Variants in POU2F1 observed in about 807,000 individuals in gnomAD.
The protein encoded by POU2F1 is POU domain, class 2, transcription factor 1.
POU2F1 carries 16 observed loss-of-function variants against 84.9 expected under a neutral mutation model. The ratio of observed to expected loss-of-function variants is 0.19; its 90% CI spans 0.13 to 0.29. The LOEUF is 0.29. Ranked by LOEUF, POU2F1 falls within the 10% of genes least tolerant of loss-of-function variation. The probability of loss-of-function intolerance (pLI) is 1.00; values close to 1 mark genes in which losing one functional copy is unlikely to be tolerated. For missense variants in POU2F1, 738 were observed against 942.6 expected (o/e 0.78, Z 2.84); for synonymous variants, 368 against 368.3 (o/e 1.00, Z 0.01).
chr1:167,332,845 T>C (rs564975026), intron 2 of POU2F1, among the ~76,000 whole-genome samples: 3 of 152,340 alleles, frequency 2.0e-5, no homozygotes, highest in African/African-American at 7.2e-5. Context: ...CTTGTGACTT[T>C]AGGCAATTTC....
intron 9 of POU2F1, among the ~76,000 whole-genome samples, chr1:167,393,893 A>G (rs1648613432): frequency 6.6e-6 from 1 of 152,234 alleles, no homozygotes; most frequent in Non-Finnish European, 1.5e-5. Context: ...AAACAAGCTG[A>G]CCATGACATG....
intron 2 of POU2F1, chr1:167,357,380 C>CCCCCCCCCCCCCCCCCCCA (rs1659028063): frequency 3.3e-4 from 1 of 3,002 alleles, no homozygotes; most frequent in Non-Finnish European, 8.1e-4. Context: ...CCCCCCCCCA[C>CCCCCCCCCCCCCCCCCCCA]CCCCCCCCGC....
At chr1:167,259,944 T>A (rs1029084394) in intron 1 of POU2F1, among the ~76,000 whole-genome samples, 3 of 152,052 alleles carry the variant, frequency 2.0e-5, no homozygotes, top group Non-Finnish European at 1.5e-5. Flanking sequence ...AGTGGCGCGA[T>A]CTCAGCTCAC....
chr1:167,302,448 G>A (rs1187291967), intron 1 of POU2F1, among the ~76,000 whole-genome samples: 2 of 151,918 alleles, frequency 1.3e-5, no homozygotes, highest in African/African-American at 2.4e-5. Flanking sequence ...TTTTAGAGAC[G>A]GGGTTTCACC....
At chr1:167,335,888 T>C (rs1348958260) in intron 2 of POU2F1, among the ~76,000 whole-genome samples, 1 of 152,250 alleles carries the variant, frequency 6.6e-6, no homozygotes, top group Non-Finnish European at 1.5e-5. Context: ...AGCTGATCAT[T>C]GAATAACATG....
At chr1:167,221,100 GC>G in intron 1 of POU2F1, 142 bp downstream of exon 1, 2 of 820,050 alleles carry the variant, frequency 2.4e-6, no homozygotes, top group Non-Finnish European at 3.8e-6. Context: ...GGAGCATTGA[GC>G]CCCCGCCGGG....
At position 167,399,379 on chromosome 1, in the gene POU2F1, A is replaced by T; in HGVS notation, c.1449+14A>T. On this transcript the variant is annotated intron_variant, in intron 12 of 15. Transcript: ENST00000367866. ...CCAACTTCACTGGTAAGAATAAAAAATAGGGAGTGCAAGCTCAAGGGCTAA... is the reference window on the plus strand; with the variant it reads ...CCAACTTCACTGGTAAGAATAAAAATTAGGGAGTGCAAGCTCAAGGGCTAA... 7.5e-6 allele frequency: 12 copies of T among 1,599,040 alleles called. No individual in the cohort carries two copies. Among genetic ancestry groups the T allele is most frequent in the Non-Finnish European group, 1.0e-5 (12 of 1,171,602 alleles).
chr1:167,329,526 G>A (rs73022269), intron 1 of POU2F1, among the ~76,000 whole-genome samples: 3 of 152,068 alleles, frequency 2.0e-5, no homozygotes, highest in East Asian at 1.9e-4. Flanking sequence ...AGAGGGTATC[G>A]TTAGTAAATA....
chr1:167,296,407 G>A (rs900796236), intron 1 of POU2F1, among the ~76,000 whole-genome samples: 1 of 151,794 alleles, frequency 6.6e-6, no homozygotes, highest in Admixed American at 6.6e-5. Flanking sequence ...TTCTCTGTTG[G>A]ACCTATTTTT....
chr1:167,403,140 A>G (rs1253204820), intron 13 of POU2F1, among the ~76,000 whole-genome samples: 4 of 147,486 alleles, frequency 2.7e-5, no homozygotes, highest in Non-Finnish European at 6.1e-5. Flanking sequence ...TTTTTTTCTG[A>G]CACGTTGATA....
intron 1 of POU2F1, among the ~76,000 whole-genome samples, chr1:167,282,685 C>T (rs1032900101): frequency 6.6e-6 from 1 of 152,092 alleles, no homozygotes; most frequent in African/African-American, 2.4e-5. Flanking sequence ...TCTACTTTTT[C>T]TGTACTTTTC....
chr1:167,247,554 G>T (rs76743336), intron 1 of POU2F1, among the ~76,000 whole-genome samples: 1 of 151,982 alleles, frequency 6.6e-6, no homozygotes, highest in Non-Finnish European at 1.5e-5. Context: ...TCAGTTTTGA[G>T]CTATATAGTA....
At chr1:167,325,756 G>C (rs1232991862) in intron 1 of POU2F1, among the ~76,000 whole-genome samples, 3 of 151,912 alleles carry the variant, frequency 2.0e-5, no homozygotes, top group African/African-American at 7.3e-5. Flanking sequence ...TGACTTGGTG[G>C]CAGGCGCCTG....
intron 15 of POU2F1, among the ~76,000 whole-genome samples, chr1:167,413,326 G>A (rs1650097991): frequency 6.6e-6 from 1 of 152,182 alleles, no homozygotes; most frequent in Admixed American, 6.5e-5. Flanking sequence ...ATAGGTGTTA[G>A]TATGTGAGTA....
chr1:167,389,456 G>A (rs976119049), intron 8 of POU2F1, 132 bp from the exon 9 acceptor site: 1 of 860,190 alleles, frequency 1.2e-6, no homozygotes, highest in Non-Finnish European at 1.8e-6. Flanking sequence ...ACATTATGTT[G>A]TACATTCTGT....
chr1:167,387,249 T>C (rs1003752455), intron 8 of POU2F1: 3 of 455,644 alleles, frequency 6.6e-6, no homozygotes, highest in Non-Finnish European at 1.3e-5. Flanking sequence ...CATCTAAAGG[T>C]ACCCAAGCGA....
intron 13 of POU2F1, among the ~76,000 whole-genome samples, chr1:167,405,985 A>C (rs779904486): frequency 6.6e-6 from 1 of 152,216 alleles, no homozygotes; most frequent in East Asian, 1.9e-4. Context: ...AACATGCATC[A>C]AAGAAGAAAT....
chr1:167,414,847 C>G (rs898033541), intron 15 of POU2F1: 1 of 640,326 alleles, frequency 1.6e-6, no homozygotes, highest in African/African-American at 2.0e-5. Flanking sequence ...GAACTAAAGC[C>G]TTTTTGCAAG....
chr1:167,386,790 G>A (rs1473771950), intron 8 of POU2F1, among the ~76,000 whole-genome samples: 1 of 152,186 alleles, frequency 6.6e-6, no homozygotes, highest in Non-Finnish European at 1.5e-5. Flanking sequence ...CATACAGTAT[G>A]ATTCAATGCA....
Sources: gnomAD v4.1 joint callset for allele counts (sites outside exome capture counted in the v4.1 genomes callset) on GRCh38, gnomAD v4.1.1 for gene constraint, MANE v1.5 for transcripts, NCBI Gene and HGNC (gene_info 2026-07-23, HGNC 2026-07-21) for gene names.